Variants in SAMHD1 observed in about 807,000 individuals in gnomAD.
SAMHD1 encodes deoxynucleoside triphosphate triphosphohydrolase SAMHD1.
A neutral mutation model predicts 79.6 loss-of-function variants in SAMHD1; 54 were observed. The ratio of observed to expected loss-of-function variants is 0.68; its 90% CI spans 0.55 to 0.85. The LOEUF (loss-of-function observed/expected upper bound fraction) is 0.85. SAMHD1 is among the 40% of genes least tolerant of loss of function. SAMHD1 has a pLI of 0.00. For missense variants in SAMHD1, 663 were observed against 782.7 expected, an observed-to-expected ratio of 0.85 and a Z score of 1.82; for synonymous variants, 260 against 264.1, an observed-to-expected ratio of 0.98 and a Z score of 0.15.
intron 14 of SAMHD1, among the ~76,000 whole-genome samples, 198 bp downstream of exon 14, chr20:36,898,242 G>A (rs1056769785): frequency 4.6e-5 from 7 of 152,140 alleles, no homozygotes; most frequent in African/African-American, 1.4e-4. Flanking sequence ...TGGCCAGGCT[G>A]ATCTTAAGCT....
intron 9 of SAMHD1, among the ~76,000 whole-genome samples, chr20:36,914,670 A>G (rs1601128003): frequency 6.6e-6 from 1 of 150,860 alleles, no homozygotes; most frequent in Non-Finnish European, 1.5e-5. Context: ...TTGCCTTATG[A>G]TTTTCTTAAT....
chr20:36,897,575 C>T, intron 15 of SAMHD1: 1 of 549,258 alleles, frequency 1.8e-6, no homozygotes, highest in Non-Finnish European at 3.2e-6. Context: ...GCATTATTTA[C>T]ATGTTCACAT....
At chr20:36,906,749 T>C in intron 11 of SAMHD1, among the ~76,000 whole-genome samples, 1 of 152,046 alleles carries the variant, frequency 6.6e-6, no homozygotes, top group East Asian at 1.9e-4. Context: ...TCAACAATTG[T>C]TAATGTTTTT....
intron 11 of SAMHD1, among the ~76,000 whole-genome samples, chr20:36,909,094 T>A (rs559464736): frequency 6.6e-6 from 1 of 152,234 alleles, no homozygotes; most frequent in African/African-American, 2.4e-5. Flanking sequence ...CCTGAGTAGC[T>A]GAGATTACAG....
At chr20:36,934,222 A>G (rs1487618427) in intron 4 of SAMHD1, among the ~76,000 whole-genome samples, 1 of 151,906 alleles carries the variant, frequency 6.6e-6, no homozygotes, top group Non-Finnish European at 1.5e-5. Context: ...GCAACAAGGT[A>G]AATAAAAAGC....
intron 13 of SAMHD1, among the ~76,000 whole-genome samples, chr20:36,900,490 C>T (rs1990283501): frequency 6.6e-6 from 1 of 152,182 alleles, no homozygotes; most frequent in Non-Finnish European, 1.5e-5. Flanking sequence ...AAGTGATCCA[C>T]CTGCCTCAGC....
At chr20:36,914,208 C>T (rs756089627) in intron 9 of SAMHD1, among the ~76,000 whole-genome samples, 13 of 152,044 alleles carry the variant, frequency 8.6e-5, no homozygotes, top group Non-Finnish European at 1.2e-4. Flanking sequence ...TTCCTTGCCC[C>T]GCTGCCACCC....
At chr20:36,935,356 C>T in intron 3 of SAMHD1, 167 bp from the exon 4 acceptor site, 1 of 632,060 alleles carries the variant, frequency 1.6e-6, no homozygotes, top group South Asian at 1.9e-5. Context: ...TTAGGTATCA[C>T]TACCAGACAG....
intron 9 of SAMHD1, among the ~76,000 whole-genome samples, chr20:36,914,326 T>C (rs2063462756): frequency 6.6e-6 from 1 of 151,920 alleles, no homozygotes; most frequent in African/African-American, 2.4e-5. Flanking sequence ...ATAGTAAATA[T>C]ACTTTCTCTG....
At chr20:36,950,033 C>A (rs760516515) in intron 1 of SAMHD1, among the ~76,000 whole-genome samples, 13 of 151,862 alleles carry the variant, frequency 8.6e-5, no homozygotes, top group Non-Finnish European at 1.6e-4. Context: ...AGAGAGAAGT[C>A]CGAATAAAGT....
intron 4 of SAMHD1, among the ~76,000 whole-genome samples, chr20:36,932,768 T>C (rs1053775994): frequency 6.6e-6 from 1 of 152,080 alleles, no homozygotes; most frequent in African/African-American, 2.4e-5. Context: ...TTTTGTAAGA[T>C]GATAAGAGTT....
Position 36,941,054 on chromosome 20 carries a change from G to A in SAMHD1, c.333C>T (p.His111=), listed in dbSNP as rs1396545191. ...LSYIQRLVQI[H]VDTMKVINDP... is the part of the protein sequence containing the mutation. ...ATCCTCTTACCTTCATTGTATCAACGTGGATTTGAACCAATCGCTGGATAT... is the reference window on the plus strand; with the variant it reads ...ATCCTCTTACCTTCATTGTATCAACATGGATTTGAACCAATCGCTGGATAT... Residue 111 remains histidine, a synonymous_variant, in exon 3 of 16, where the codon CAC becomes CAT. Transcript: ENST00000646673. 7.4e-6 allele frequency: 12 copies of A among 1,612,644 alleles called. No individual in the cohort carries two copies. The highest frequency in any genetic ancestry group is 5.0e-5 in the Admixed American group (3 of 59,954).
At chr20:36,922,764 C>T (rs889027817) in intron 6 of SAMHD1, among the ~76,000 whole-genome samples, 5 of 152,038 alleles carry the variant, frequency 3.3e-5, no homozygotes, top group Non-Finnish European at 5.9e-5. Context: ...CTCATTGCAG[C>T]CTCGACCTCC....
chr20:36,916,962 C>A lies in SAMHD1; in HGVS notation c.940G>T (p.Asp314Tyr). ...KRNGIDVDKW[D>Y]YFARDCHHLG... ...TTCAGTGCATACCTGGCAAAATAAT[C>A]CCATTTGTCCACATCAATGCCATTT... Residue 314 changes from aspartate to tyrosine, a missense_variant, in exon 8 of 16, where the codon GAT becomes TAT. Asp to Tyr is a radical substitution (Grantham distance 160). Coordinates refer to ENST00000646673, the MANE Select transcript of SAMHD1 (RefSeq NM_015474.4). The A allele has an allele frequency of 1.2e-6, 2 of 1,612,530 alleles. No homozygotes were observed. The highest frequency in any genetic ancestry group is 1.7e-6 in the Non-Finnish European group (2 of 1,178,624).
At chr20:36,925,155 CAAA>C (rs1216292694) in intron 6 of SAMHD1, among the ~76,000 whole-genome samples, 4 of 66,170 alleles carry the variant, frequency 6.0e-5, no homozygotes, top group Admixed American at 1.8e-4. Flanking sequence ...GACTCCATCT[CAAA>C]AAAAAAAAAA....
At position 36,905,411 on chromosome 20, in the gene SAMHD1, T is replaced by G; in HGVS notation, c.1363A>C (p.Lys455Gln). 6.2e-7 allele frequency: 1 copy of G among 1,614,016 alleles called. No homozygotes were observed. The highest frequency in any genetic ancestry group is 8.5e-7 in the Non-Finnish European group (1 of 1,179,902). The change falls in exon 12 of 16, where the codon AAG becomes CAG. Residue 455 changes from lysine to glutamine, a missense_variant. Coordinates refer to ENST00000646673, the MANE Select transcript of SAMHD1 (RefSeq NM_015474.4). ...LKQIEYRNLF[K>Q]YVGETQPTGQ... is the part of the protein sequence containing the mutation. ...GTTGGCTGCGTCTCACCCACATACT[T>G]GAATAGATTACGGTATTCAATTTGT...
At chr20:36,912,241 T>G (rs2063444926) in intron 10 of SAMHD1, 1 of 529,568 alleles carries the variant, frequency 1.9e-6, no homozygotes, top group Non-Finnish European at 3.4e-6. Flanking sequence ...CATCTGCCCC[T>G]TTATCCACTT....
intron 4 of SAMHD1, among the ~76,000 whole-genome samples, chr20:36,931,820 T>C (rs895690688): frequency 1.3e-5 from 2 of 151,586 alleles, no homozygotes; most frequent in African/African-American, 4.8e-5. Flanking sequence ...TAAAAAATAA[T>C]TTAAAAATAA....
intron 6 of SAMHD1, among the ~76,000 whole-genome samples, chr20:36,923,858 T>C (rs575124493): frequency 1.1e-4 from 16 of 152,218 alleles, no homozygotes; most frequent in Middle Eastern, 6.8e-3. Flanking sequence ...CTGAGAAATA[T>C]TTAATATAGA....
Sources: allele counts gnomAD v4.1 joint callset (sites outside exome capture counted in the v4.1 genomes callset), GRCh38; gene constraint gnomAD v4.1.1; transcripts MANE v1.5; gene names NCBI Gene and HGNC (gene_info 2026-07-23, HGNC 2026-07-21).